KIF13B: variants seen among roughly 807,000 people sequenced by gnomAD.
The protein encoded by KIF13B is kinesin family member 13B.
Under a neutral mutation model 222.0 loss-of-function variants are expected in KIF13B, and 127 were observed. That is an observed-to-expected ratio of 0.57 (90% CI 0.50 to 0.66). The LOEUF (loss-of-function observed/expected upper bound fraction) is 0.66. Ranked by LOEUF, KIF13B falls within the 30% of genes least tolerant of loss-of-function variation. The pLI is 0.00. For synonymous variants in KIF13B, 976 were observed against 919.0 expected, an observed-to-expected ratio of 1.06 and a Z score of -1.12; for missense variants, 2,173 against 2,379.0, an observed-to-expected ratio of 0.91 and a Z score of 1.80.
At chr8:29,123,931 C>T (rs1809992071) in intron 27 of KIF13B, 93 bp downstream of exon 27, 2 of 743,844 alleles carry the variant, frequency 2.7e-6, no homozygotes, top group African/African-American at 1.7e-5. Context: ...CTGATGTGTT[C>T]ATCTGGTTCT....
At chr8:29,216,617 TA>T (rs55967717) in intron 2 of KIF13B, among the ~76,000 whole-genome samples, 43 of 149,806 alleles carry the variant, frequency 2.9e-4, no homozygotes, top group African/African-American at 8.1e-4. Context: ...TTTTTTTAAT[TA>T]AAAAAAAAAT....
intron 1 of KIF13B, among the ~76,000 whole-genome samples, chr8:29,252,832 T>C (rs1816334335): frequency 6.6e-6 from 1 of 152,202 alleles, no homozygotes; most frequent in Admixed American, 6.5e-5. Context: ...CCCTTTTTTA[T>C]TGAGATCTGC....
At chr8:29,119,051 G>C (rs990028605) in intron 29 of KIF13B, 59 bp from the exon 30 acceptor site, 33 of 1,528,114 alleles carry the variant, frequency 2.2e-5, no homozygotes, top group Non-Finnish European at 2.8e-5. Flanking sequence ...ACCCCTACCA[G>C]CTAAATTTCA....
At position 29,147,598 on chromosome 8, in the gene KIF13B, C is replaced by G. The variant is rs375284226; in HGVS notation, c.1818G>C (p.Pro606=). ...CTAAGCTGTTTAATATGGACTGCAT[C>G]GGATCTAAACACATTTTTAAAAAAG... ...VTMKALGSND[P]MQSILNSLEQ... Residue 606 remains proline (P), a synonymous_variant, in exon 17 of 40, where the codon CCG becomes CCC. Coordinates refer to ENST00000524189, the MANE Select transcript of KIF13B (RefSeq NM_015254.4). 6.2e-7 allele frequency: 1 copy of G among 1,607,490 alleles called. No homozygotes were observed. The highest frequency in any genetic ancestry group is 1.7e-5 in the Admixed American group (1 of 59,930).
intron 14 of KIF13B, among the ~76,000 whole-genome samples, chr8:29,153,073 TATCCCCC>T (rs768309468): frequency 1.3e-5 from 2 of 152,150 alleles, no homozygotes; most frequent in Non-Finnish European, 2.9e-5. Flanking sequence ...AATAGATTAT[TATCCCCC>T]ATTTTTCAAA....
intron 1 of KIF13B, among the ~76,000 whole-genome samples, chr8:29,252,472 T>A (rs1490478762): frequency 4.6e-5 from 7 of 152,268 alleles, no homozygotes; most frequent in African/African-American, 1.7e-4. Flanking sequence ...AAATCTATTA[T>A]GCAGAAACAT....
At chr8:29,190,953 T>TC in intron 4 of KIF13B, 44 bp downstream of exon 4, 2 of 1,503,324 alleles carry the variant, frequency 1.3e-6, no homozygotes, top group African/African-American at 1.4e-5. Flanking sequence ...ACTGAACCCC[T>TC]CTTCTACACC....
chr8:29,192,582 G>A (rs1008580476), intron 3 of KIF13B, among the ~76,000 whole-genome samples: 9 of 152,040 alleles, frequency 5.9e-5, no homozygotes, highest in Non-Finnish European at 7.4e-5. Flanking sequence ...TACATGATTC[G>A]CACATTCTAA....
chr8:29,149,770 A>C (rs568477874), intron 15 of KIF13B, among the ~76,000 whole-genome samples: 61 of 152,264 alleles, frequency 4.0e-4, no homozygotes, highest in African/African-American at 1.4e-3. Context: ...GACTTTAGCC[A>C]TGACTTTTTT....
chr8:29,123,366 C>G lies in KIF13B; in HGVS notation c.3479G>C (p.Trp1160Ser). The G allele has an allele frequency of 1.2e-6, 2 of 1,613,768 alleles. No individual in the cohort carries two copies. Among genetic ancestry groups the G allele is most frequent in the Non-Finnish European group, 1.7e-6 (2 of 1,179,902 alleles). ...GSGIPGAPAE[W>S]TPVPGMETHI... is the part of the protein sequence containing the mutation. ...ACAAGACGCACCACAGGGTTCATAC[C>G]ATTCTGCTGGGGCCCCTGGAATACC... Residue 1160 changes from tryptophan to serine, a missense_variant and splice_region_variant, in exon 28 of 40, where the codon TGG becomes TCG. This residue lies in a region of KIF13B where 1,480 missense variants were observed against 1,722.8 expected (regional missense o/e 0.86). Coordinates refer to ENST00000524189, the MANE Select transcript of KIF13B (RefSeq NM_015254.4).
chr8:29,247,166 T>C (rs895755164), intron 1 of KIF13B, among the ~76,000 whole-genome samples: 3 of 151,940 alleles, frequency 2.0e-5, no homozygotes, highest in East Asian at 3.9e-4. Context: ...GGGGGGATCA[T>C]TTAAGGCCAG....
chr8:29,205,501 ACAC>A (rs1279937913), intron 2 of KIF13B, among the ~76,000 whole-genome samples: 2 of 152,192 alleles, frequency 1.3e-5, no homozygotes, highest in African/African-American at 4.8e-5. Flanking sequence ...AATAAGGAGA[ACAC>A]TTCCAAATCC....
chr8:29,172,042 G>C (rs373822447), intron 10 of KIF13B, among the ~76,000 whole-genome samples: 6 of 146,606 alleles, frequency 4.1e-5, no homozygotes, highest in African/African-American at 1.5e-4. Flanking sequence ...ACAGGCCTCA[G>C]TGAGCCCCAT....
chr8:29,148,019 G>A (rs139935572), intron 16 of KIF13B, among the ~76,000 whole-genome samples: 34 of 152,304 alleles, frequency 2.2e-4, no homozygotes, highest in East Asian at 1.2e-3. Flanking sequence ...CCGACATGGC[G>A]AAACCTTGTC....
chr8:29,191,171 GAATT>G (rs1175896709), intron 3 of KIF13B, 114 bp from the exon 4 acceptor site: 1 of 745,372 alleles, frequency 1.3e-6, no homozygotes, highest in East Asian at 2.5e-5. Context: ...CATACAATGG[GAATT>G]AATTATGTAT....
At chr8:29,188,653 C>T (rs1813048827) in intron 4 of KIF13B, 46 bp from the exon 5 acceptor site, 8 of 1,197,168 alleles carry the variant, frequency 6.7e-6, no homozygotes, top group South Asian at 2.7e-5. Context: ...GCCAAAACTA[C>T]ATATGAACAA....
intron 36 of KIF13B, among the ~76,000 whole-genome samples, chr8:29,094,901 C>T (rs1434732908): frequency 6.6e-6 from 1 of 150,830 alleles, no homozygotes; most frequent in Admixed American, 6.6e-5. Context: ...GAAAAAATTC[C>T]CTGGATGTGC....
Position 29,072,048 on chromosome 8 carries a change from G to T in KIF13B, c.4790C>A (p.Thr1597Asn), listed in dbSNP as rs1286461756. 7.7e-7 allele frequency: 1 copy of T among 1,302,906 alleles called. No individual in the cohort carries two copies. The highest frequency in any genetic ancestry group is 9.7e-7 in the Non-Finnish European group (1 of 1,027,110). 80.7% of individuals were successfully genotyped at this position (1,302,906 alleles called of 1,614,324 possible). ...DAAAPPGSMP[T>N]APEAEPEAPI... The stretch of plus-strand genomic sequence containing the variant: ...CGCCTCGGGCTCGGCCTCAGGGGCG[G>T]TGGGCATGGACCCCGGCGGGGCCGC... The change falls in exon 39 of 40, where the codon ACC becomes AAC. Residue 1597 changes from threonine to asparagine, a missense_variant. Thr to Asn is a moderately conservative substitution (Grantham distance 65). Coordinates refer to ENST00000524189, the MANE Select transcript of KIF13B (RefSeq NM_015254.4).
At chr8:29,231,964 A>T (rs1430972447) in intron 2 of KIF13B, among the ~76,000 whole-genome samples, 1 of 152,170 alleles carries the variant, frequency 6.6e-6, no homozygotes, top group Non-Finnish European at 1.5e-5. Flanking sequence ...ATTTAAAAGA[A>T]ATTAGAAATA....
Sources: allele counts gnomAD v4.1 joint callset (sites outside exome capture counted in the v4.1 genomes callset), GRCh38; gene constraint gnomAD v4.1.1; regional missense constraint gnomAD v4.1.1; transcripts MANE v1.5; gene names NCBI Gene and HGNC (gene_info 2026-07-23, HGNC 2026-07-21).